Variants in MAPKAP1 observed in about 807,000 individuals in gnomAD.
The protein encoded by MAPKAP1 is target of rapamycin complex 2 subunit MAPKAP1.
Under a neutral mutation model 65.7 loss-of-function variants are expected in MAPKAP1, and 20 were observed. The ratio of observed to expected loss-of-function variants is 0.30; its 90% CI spans 0.21 to 0.44. The LOEUF (loss-of-function observed/expected upper bound fraction) is 0.44. Ranked by LOEUF, MAPKAP1 falls within the 20% of genes least tolerant of loss-of-function variation. MAPKAP1 has a pLI of 1.00. For missense variants in MAPKAP1, 423 were observed against 648.0 expected, an observed-to-expected ratio of 0.65 and a Z score of 3.77; for synonymous variants, 222 against 244.3, an observed-to-expected ratio of 0.91 and a Z score of 0.85.
At chr9:125,537,968 G>T (rs1283472439) in intron 7 of MAPKAP1, among the ~76,000 whole-genome samples, 2 of 152,034 alleles carry the variant, frequency 1.3e-5, no homozygotes, top group Admixed American at 1.3e-4. Context: ...AGTGCCCAGG[G>T]TCTCTTCCTG....
At chr9:125,620,776 C>T (rs895748962) in intron 4 of MAPKAP1, among the ~76,000 whole-genome samples, 1 of 152,064 alleles carries the variant, frequency 6.6e-6, no homozygotes, top group African/African-American at 2.4e-5. Context: ...CAATATGCTA[C>T]ATGTTGTGTA....
chr9:125,695,734 C>CT (rs112626289), intron 1 of MAPKAP1, among the ~76,000 whole-genome samples: 11,373 of 146,768 alleles, frequency 0.077, 726 homozygotes, highest in African/African-American at 0.18. Flanking sequence ...TCTTTTCTTT[C>CT]TTTTTTTTTT....
chr9:125,701,469 T>G (rs1835595531), intron 1 of MAPKAP1, among the ~76,000 whole-genome samples: 1 of 152,194 alleles, frequency 6.6e-6, no homozygotes, highest in African/African-American at 2.4e-5. Flanking sequence ...ATATTCAGGA[T>G]GCAAATCACT....
At chr9:125,450,325 C>T (rs910469622) in intron 10 of MAPKAP1, among the ~76,000 whole-genome samples, 10 of 152,154 alleles carry the variant, frequency 6.6e-5, no homozygotes, top group Non-Finnish European at 1.2e-4. Flanking sequence ...CAGAGGAGAA[C>T]CTCCACACCC....
At chr9:125,446,298 A>T (rs966562406) in intron 10 of MAPKAP1, among the ~76,000 whole-genome samples, 1 of 152,200 alleles carries the variant, frequency 6.6e-6, no homozygotes, top group Non-Finnish European at 1.5e-5. Context: ...AATTGAAAAA[A>T]TTACCTAATA....
At chr9:125,697,449 T>C (rs1349462557) in intron 1 of MAPKAP1, among the ~76,000 whole-genome samples, 2 of 152,230 alleles carry the variant, frequency 1.3e-5, no homozygotes, top group Non-Finnish European at 1.5e-5. Context: ...TTTGACATAA[T>C]TGGGACCATA....
chr9:125,652,143 G>T, intron 4 of MAPKAP1: 1 of 1,308,526 alleles, frequency 7.6e-7, no homozygotes, highest in Non-Finnish European at 1.0e-6. Context: ...ACATTTCTCG[G>T]TGGCTTCATG....
intron 6 of MAPKAP1, among the ~76,000 whole-genome samples, chr9:125,546,447 G>C (rs766621335): frequency 6.6e-6 from 1 of 152,170 alleles, no homozygotes; most frequent in African/African-American, 2.4e-5. Flanking sequence ...TTTCCAAAAC[G>C]TAAGAGCATA....
At chr9:125,561,742 G>A (rs916326238) in intron 5 of MAPKAP1, among the ~76,000 whole-genome samples, 16 of 152,094 alleles carry the variant, frequency 1.1e-4, no homozygotes, top group Admixed American at 5.9e-4. Flanking sequence ...GGGTATAATC[G>A]TCCCTCAGAG....
At chr9:125,484,611 TA>T in intron 8 of MAPKAP1, 28 bp from the exon 9 acceptor site, 1 of 1,590,280 alleles carries the variant, frequency 6.3e-7, no homozygotes. Context: ...GTTTAACACA[TA>T]AAGATACATG....
chr9:125,493,242 C>T (rs188259552), intron 8 of MAPKAP1, among the ~76,000 whole-genome samples: 4 of 152,338 alleles, frequency 2.6e-5, no homozygotes, highest in East Asian at 1.9e-4. Context: ...CTACTCCCCA[C>T]GCAGAAGCCC....
intron 5 of MAPKAP1, among the ~76,000 whole-genome samples, chr9:125,584,906 T>A (rs760257457): frequency 6.6e-6 from 1 of 152,212 alleles, no homozygotes; most frequent in Non-Finnish European, 1.5e-5. Context: ...GAGGCTACTC[T>A]CAAGCACTAC....
intron 4 of MAPKAP1, among the ~76,000 whole-genome samples, chr9:125,624,245 T>C (rs1450360080): frequency 1.9e-4 from 3 of 15,826 alleles, no homozygotes; most frequent in Non-Finnish European, 3.7e-4. Context: ...CCGCCCCGTC[T>C]GGGAGGTGAG....
intron 3 of MAPKAP1, among the ~76,000 whole-genome samples, chr9:125,661,510 T>G (rs538078825): frequency 3.9e-5 from 6 of 152,256 alleles, no homozygotes; most frequent in East Asian, 1.9e-4. Flanking sequence ...CTCTATATAT[T>G]GCTCCAGAAA....
At chr9:125,698,290 TA>T (rs1835465077) in intron 1 of MAPKAP1, among the ~76,000 whole-genome samples, 1 of 2,202 alleles carries the variant, frequency 4.5e-4, no homozygotes, top group Non-Finnish European at 9.6e-4. Flanking sequence ...TATATATAAA[TA>T]TATATATATA....
intron 4 of MAPKAP1, among the ~76,000 whole-genome samples, chr9:125,592,834 C>T (rs1348984928): frequency 1.4e-5 from 2 of 138,842 alleles, no homozygotes; most frequent in Non-Finnish European, 1.5e-5. Context: ...ACCCTGGAGG[C>T]GGAGCTTGCA....
At chr9:125,475,527 C>T (rs1564524004) in intron 9 of MAPKAP1, among the ~76,000 whole-genome samples, 2 of 152,126 alleles carry the variant, frequency 1.3e-5, no homozygotes, top group East Asian at 1.9e-4. Flanking sequence ...ATGACAAGTC[C>T]GAGTGTACCT....
chr9:125,691,681 T>A (rs1235167598), intron 1 of MAPKAP1, among the ~76,000 whole-genome samples: 1 of 150,872 alleles, frequency 6.6e-6, no homozygotes, highest in Non-Finnish European at 1.5e-5. Context: ...AAACAGAAGC[T>A]GGAAAAAAAA....
chr9:125,612,188 T>C (rs1832620234), intron 4 of MAPKAP1, among the ~76,000 whole-genome samples: 1 of 152,190 alleles, frequency 6.6e-6, no homozygotes. Context: ...TTGGAGCATT[T>C]TAAACTTCAG....
Sources: gnomAD v4.1 joint callset for allele counts (sites outside exome capture counted in the v4.1 genomes callset) on GRCh38, gnomAD v4.1.1 for gene constraint, MANE v1.5 for transcripts, NCBI Gene and HGNC (gene_info 2026-07-23, HGNC 2026-07-21) for gene names.